Variants in DOCK7 observed in about 807,000 individuals in gnomAD.
The protein encoded by DOCK7 is dedicator of cytokinesis 7.
In DOCK7, 138 loss-of-function variants were observed where a neutral mutation model predicts 271.0. The observed-to-expected ratio is 0.51, with a 90% CI of 0.44 to 0.59. The LOEUF is 0.59. DOCK7 is among the 20% of genes least tolerant of loss of function. DOCK7 has a pLI of 0.00. For synonymous variants in DOCK7, 823 were observed against 876.1 expected (o/e 0.94, Z 1.07); for missense variants, 2,066 against 2,592.4 (o/e 0.80, Z 4.41).
intron 39 of DOCK7, 128 bp downstream of exon 39, chr1:62,495,453 A>G (rs1646592758): frequency 1.6e-6 from 1 of 617,374 alleles, no homozygotes. Flanking sequence ...TAAAAATAAA[A>G]ACAATAAAGA....
intron 18 of DOCK7, among the ~76,000 whole-genome samples, chr1:62,567,891 C>T (rs552560298): frequency 6.6e-6 from 1 of 152,084 alleles, no homozygotes; most frequent in Admixed American, 6.6e-5. Context: ...CTCTTCAGTT[C>T]TAAAACAAGT....
intron 34 of DOCK7, among the ~76,000 whole-genome samples, chr1:62,509,657 T>C (rs1213508272): frequency 6.6e-6 from 1 of 152,198 alleles, no homozygotes; most frequent in Non-Finnish European, 1.5e-5. Context: ...TTAAGAATTT[T>C]AATATATTTA....
At chr1:62,666,224 G>A (rs1659302891) in intron 1 of DOCK7, among the ~76,000 whole-genome samples, 1 of 152,028 alleles carries the variant, frequency 6.6e-6, no homozygotes, top group Admixed American at 6.5e-5. Context: ...ATTACTCCAT[G>A]TACAGCTAAT....
At chr1:62,568,875 A>C (rs878875982) in intron 18 of DOCK7, among the ~76,000 whole-genome samples, 2 of 151,826 alleles carry the variant, frequency 1.3e-5, no homozygotes, top group African/African-American at 4.8e-5. Flanking sequence ...AAAGAGAAGA[A>C]TCAAATAGAC....
At chr1:62,652,399 GA>G (rs1299308586) in intron 4 of DOCK7, among the ~76,000 whole-genome samples, 1 of 151,904 alleles carries the variant, frequency 6.6e-6, no homozygotes, top group African/African-American at 2.4e-5. Flanking sequence ...TAGTATAATA[GA>G]AAAAAATAAG....
chr1:62,604,042 G>A, intron 14 of DOCK7: 1 of 1,612,896 alleles, frequency 6.2e-7, no homozygotes, highest in Non-Finnish European at 8.5e-7. Context: ...GAATTGAGTT[G>A]GAAGACTGGA....
chr1:62,604,003 C>T (rs761117976), intron 14 of DOCK7: 1 of 1,612,908 alleles, frequency 6.2e-7, no homozygotes, highest in Non-Finnish European at 8.5e-7. Context: ...AGATATACTC[C>T]ATAGTGAAGC....
At chr1:62,614,467 TAATACA>T (rs904062888) in intron 14 of DOCK7, among the ~76,000 whole-genome samples, 8 of 151,994 alleles carry the variant, frequency 5.3e-5, no homozygotes, top group African/African-American at 1.2e-4. Flanking sequence ...GATGGTCTAA[TAATACA>T]AAGCAGGCCA....
At chr1:62,674,994 T>TA (rs1660390065) in intron 1 of DOCK7, among the ~76,000 whole-genome samples, 1 of 152,038 alleles carries the variant, frequency 6.6e-6, no homozygotes, top group Admixed American at 6.5e-5. Flanking sequence ...AAACATCACC[T>TA]AAAAAATGAA....
intron 14 of DOCK7, chr1:62,605,769 A>G (rs1292343032): frequency 1.3e-5 from 2 of 152,374 alleles, no homozygotes; most frequent in East Asian, 3.8e-4. Flanking sequence ...TCAATAAACA[A>G]AGACCCAGTC....
intron 17 of DOCK7, among the ~76,000 whole-genome samples, chr1:62,577,844 A>G (rs937978245): frequency 5.3e-5 from 8 of 152,354 alleles, no homozygotes; most frequent in African/African-American, 1.9e-4. Context: ...GGCTGAAAGC[A>G]TAATTTTTCT....
At chr1:62,601,807 G>A in intron 14 of DOCK7, 1 of 1,609,914 alleles carries the variant, frequency 6.2e-7, no homozygotes, top group Middle Eastern at 1.7e-4. Context: ...TAACAGAGGT[G>A]AACATACAAG....
At chr1:62,611,593 TAGC>T (rs1211948392) in intron 14 of DOCK7, among the ~76,000 whole-genome samples, 3 of 152,136 alleles carry the variant, frequency 2.0e-5, no homozygotes, top group African/African-American at 7.2e-5. Context: ...ACAAAAAAAT[TAGC>T]AGCCCATGTT....
At chr1:62,593,006 T>G (rs1195401251) in intron 14 of DOCK7, among the ~76,000 whole-genome samples, 2 of 152,196 alleles carry the variant, frequency 1.3e-5, no homozygotes, top group Non-Finnish European at 2.9e-5. Flanking sequence ...AAATTAAGGT[T>G]CATCTATATA....
chr1:62,544,841 A>T, intron 23 of DOCK7, 106 bp downstream of exon 23: 1 of 837,948 alleles, frequency 1.2e-6, no homozygotes, highest in Non-Finnish European at 1.8e-6. Flanking sequence ...CACACTTTTT[A>T]ATGATTAAAA....
At chr1:62,598,390 C>A (rs959027000) in intron 14 of DOCK7, among the ~76,000 whole-genome samples, 1 of 151,878 alleles carries the variant, frequency 6.6e-6, no homozygotes, top group Non-Finnish European at 1.5e-5. Flanking sequence ...TAAAACTATT[C>A]TCCAGTGTTT....
chr1:62,678,893 A>T (rs949572312), intron 1 of DOCK7, among the ~76,000 whole-genome samples: 2 of 152,174 alleles, frequency 1.3e-5, no homozygotes, highest in Non-Finnish European at 2.9e-5. Context: ...AAAATAACTA[A>T]AAGAATTGGA....
chr1:62,508,839 T>G (rs889914648), intron 34 of DOCK7, among the ~76,000 whole-genome samples: 1 of 152,112 alleles, frequency 6.6e-6, no homozygotes, highest in Non-Finnish European at 1.5e-5. Flanking sequence ...AATAAAAATG[T>G]AAGAATAATT....
chr1:62,556,521 G>GA (rs750749381), intron 20 of DOCK7, among the ~76,000 whole-genome samples: 155 of 133,202 alleles, frequency 1.2e-3, no homozygotes, highest in Middle Eastern at 3.8e-3. Flanking sequence ...TGATTAGAAG[G>GA]AAAAAAAAAA....
Sources: gnomAD v4.1 joint callset for allele counts (sites outside exome capture counted in the v4.1 genomes callset) on GRCh38, gnomAD v4.1.1 for gene constraint, MANE v1.5 for transcripts, NCBI Gene and HGNC (gene_info 2026-07-23, HGNC 2026-07-21) for gene names.